The following ZNF804A variants were observed in gnomAD, a reference collection of about 807,000 sequenced individuals.
The protein encoded by ZNF804A is zinc finger protein 804A.
In ZNF804A, 2 loss-of-function variants were observed where a neutral mutation model predicts 16.5. That is an observed-to-expected ratio of 0.12 (90% CI 0.05 to 0.38). The LOEUF is 0.38. Ranked by LOEUF, ZNF804A falls within the 10% of genes least tolerant of loss-of-function variation. The pLI is 0.99. For synonymous variants in ZNF804A, 534 were observed against 489.6 expected (o/e 1.09, Z -1.20); for missense variants, 1,473 against 1,390.7 (o/e 1.06, Z -0.94).
rs985369207 is a variant in ZNF804A, at chr2:184,907,105, G to C, written c.256-26498G>C. The stretch of plus-strand genomic sequence containing the variant: ...GCTTCCAGATGAGAACCCAGTCTTT[G>C]ATCCCAGTCATATATACCCTGAGGA... On this transcript the variant is annotated intron_variant, in intron 2 of 3. Transcript: ENST00000302277. Among the ~76,000 whole-genome samples the C allele has an allele frequency of 7.2e-5, 11 of 152,238 alleles. 1 individual carries two copies. The South Asian group carries it at 2.3e-3, about 32-fold the overall frequency.
intron 1 of ZNF804A, among the ~76,000 whole-genome samples, chr2:184,846,853 T>A (rs1404844081): frequency 6.6e-6 from 1 of 152,084 alleles, no homozygotes; most frequent in East Asian, 1.9e-4. Context: ...GATGCCCCAA[T>A]GAGGCATTGT....
chr2:184,848,787 A>G (rs528029418), intron 1 of ZNF804A, among the ~76,000 whole-genome samples: 1 of 152,178 alleles, frequency 6.6e-6, no homozygotes, highest in East Asian at 1.9e-4. Flanking sequence ...TATGCTAATA[A>G]TTGTGAGGAA....
In ZNF804A at chr2:184,919,355, C is replaced by T. The variant is rs538398266; in HGVS notation, c.256-14248C>T. On this transcript the variant is annotated intron_variant, in intron 2 of 3. Transcript: ENST00000302277. ...GGTCTCTGTCGCTGCTGGCATTGGG[C>T]TGTCAATGATGGCCATAGCCAGGTC... Among the ~76,000 whole-genome samples the T allele has an allele frequency of 1.6e-4, 25 of 152,294 alleles. No homozygotes were observed. The East Asian group carries it at 4.8e-3, about 29-fold the overall frequency.
chr2:184,908,916 AG>A (rs1685318870), intron 2 of ZNF804A, among the ~76,000 whole-genome samples: 1 of 152,120 alleles, frequency 6.6e-6, no homozygotes, highest in Admixed American at 6.6e-5. Context: ...CTAAAAATAA[AG>A]GTAAAAAGCA....
intron 2 of ZNF804A, among the ~76,000 whole-genome samples, chr2:184,933,242 C>T (rs554416425): frequency 6.6e-6 from 1 of 152,022 alleles, no homozygotes; most frequent in African/African-American, 2.4e-5. Flanking sequence ...AACAGAAATA[C>T]ATAAGCAATA....
At chr2:184,722,553 G>C (rs1693335069) in intron 1 of ZNF804A, among the ~76,000 whole-genome samples, 1 of 151,928 alleles carries the variant, frequency 6.6e-6, no homozygotes, top group South Asian at 2.1e-4. Context: ...AAAGTCCAGA[G>C]TTACCTTCAG....
At chr2:184,875,311 C>A (rs568506480) in intron 2 of ZNF804A, among the ~76,000 whole-genome samples, 32 of 152,252 alleles carry the variant, frequency 2.1e-4, no homozygotes, top group African/African-American at 7.5e-4. Context: ...GATCTCTGGG[C>A]TGATCCTTTA....
At chr2:184,915,237 G>A (rs984342508) in intron 2 of ZNF804A, among the ~76,000 whole-genome samples, 2 of 151,946 alleles carry the variant, frequency 1.3e-5, no homozygotes, top group African/African-American at 4.8e-5. Context: ...TCCTATAGAT[G>A]CAGATACTTT....
chr2:184,930,235 A>C (rs987522123), intron 2 of ZNF804A, among the ~76,000 whole-genome samples: 5 of 152,156 alleles, frequency 3.3e-5, no homozygotes, highest in Non-Finnish European at 7.4e-5. Flanking sequence ...TTCTTGACCT[A>C]TTATACTGTA....
chr2:184,674,437 A>G (rs1016315605), intron 1 of ZNF804A, among the ~76,000 whole-genome samples: 1 of 152,128 alleles, frequency 6.6e-6, no homozygotes, highest in South Asian at 2.1e-4. Context: ...TCACAAATAA[A>G]AAAGAGAACA....
Position 184,664,883 on chromosome 2 carries a change from G to T in ZNF804A, c.111+65813G>T, listed in dbSNP as rs139345250. Among the ~76,000 whole-genome samples, 1,461 of 152,138 alleles carry T rather than the reference G, an allele frequency of 9.6e-3. 26 individuals carry two copies. Among genetic ancestry groups the T allele is most frequent in the African/African-American group, 0.034 (1,392 of 41,516 alleles). On this transcript the variant is annotated intron_variant, in intron 1 of 3. Transcript: ENST00000302277. ...GTGTTTTCTATATTAATTAACTAATGCAATAATTGGTGTAAACATTTCTGA... is the reference window on the plus strand; with the variant it reads ...GTGTTTTCTATATTAATTAACTAATTCAATAATTGGTGTAAACATTTCTGA...
At chr2:184,799,721 T>C (rs1334599553) in intron 1 of ZNF804A, among the ~76,000 whole-genome samples, 1 of 152,096 alleles carries the variant, frequency 6.6e-6, no homozygotes, top group East Asian at 1.9e-4. Context: ...TTTTTTTGTA[T>C]GTGTAGAGAT....
chr2:184,625,104 A>C (rs1417703470), intron 1 of ZNF804A, among the ~76,000 whole-genome samples: 1 of 152,196 alleles, frequency 6.6e-6, no homozygotes, highest in African/African-American at 2.4e-5. Flanking sequence ...TTTTTAATTC[A>C]AGAGCACCCA....
chr2:184,783,451 C>A (rs947309534), intron 1 of ZNF804A, among the ~76,000 whole-genome samples: 9 of 151,894 alleles, frequency 5.9e-5, no homozygotes, highest in South Asian at 4.2e-4. Context: ...ACTGAATAAT[C>A]ATTACAAAAT....
intron 1 of ZNF804A, among the ~76,000 whole-genome samples, chr2:184,815,578 T>A (rs1232098475): frequency 6.6e-6 from 1 of 151,900 alleles, no homozygotes; most frequent in Non-Finnish European, 1.5e-5. Flanking sequence ...AAAATAGAGA[T>A]AGGTTGTAAA....
chr2:184,699,900 G>A (rs1208963409), intron 1 of ZNF804A, among the ~76,000 whole-genome samples: 1 of 152,058 alleles, frequency 6.6e-6, no homozygotes, highest in East Asian at 1.9e-4. Context: ...CAGTTACTAA[G>A]TAGTGGAGCT....
intron 1 of ZNF804A, among the ~76,000 whole-genome samples, chr2:184,739,248 C>T (rs1693678014): frequency 1.3e-5 from 2 of 152,118 alleles, no homozygotes; most frequent in African/African-American, 4.8e-5. Context: ...TAAAAATAGT[C>T]ATGTATTCTC....
rs1326856758 is a variant in ZNF804A, at chr2:184,935,838, T to C, written c.442T>C (p.Cys148Arg). 1.2e-6 allele frequency: 2 copies of C among 1,613,600 alleles called. No individual in the cohort carries two copies. Among genetic ancestry groups the C allele is most frequent in the Admixed American group, 1.7e-5 (1 of 59,922 alleles). ...KSTTVTVREN[C>R]NEISQRVVVD... ...AACAACTGTTACTGTGAGAGAAAAC[T>C]GTAATGAAATTTCCCAACGAGTTGT... The change falls in exon 4 of 4, where the codon TGT becomes CGT. Residue 148 changes from cysteine (C) to arginine (R), a missense_variant. By Grantham distance (180) the Cys-to-Arg change is radical (BLOSUM62 -3). Transcript: ENST00000302277.
chr2:184,612,799 T>A (rs908240230), intron 1 of ZNF804A, among the ~76,000 whole-genome samples: 1 of 152,192 alleles, frequency 6.6e-6, no homozygotes, highest in African/African-American at 2.4e-5. Context: ...CTGATAGTAA[T>A]AGAATTTCAG....
Sources: allele counts gnomAD v4.1 joint callset (sites outside exome capture counted in the v4.1 genomes callset), GRCh38; gene constraint gnomAD v4.1.1; transcripts MANE v1.5; gene names NCBI Gene and HGNC (gene_info 2026-07-23, HGNC 2026-07-21).